The following CELSR2 variants were observed in gnomAD, a reference collection of about 807,000 sequenced individuals.
CELSR2 encodes cadherin EGF LAG seven-pass G-type receptor 2, also known as EGF-like protein 2.
Under a neutral mutation model 251.6 loss-of-function variants are expected in CELSR2, and 81 were observed. The ratio of observed to expected loss-of-function variants is 0.32; its 90% confidence interval spans 0.27 to 0.39. CELSR2 has a LOEUF of 0.39. Ranked by LOEUF, CELSR2 falls within the 10% of genes least tolerant of loss-of-function variation. CELSR2 has a pLI of 1.00. For synonymous variants in CELSR2, 1,721 were observed against 1,670.5 expected (o/e 1.03, Z -0.74); for missense variants, 3,365 against 3,947.7 (o/e 0.85, Z 3.96).
rs114450972 is a variant in CELSR2 at position 109,270,695 on chromosome 1, C to T, written c.7483+95C>T. ...CCCACATACAGGCCCTGAGGCCCCA[C>T]ATCCCCATGCCCCAGGCCGCCTTAT... On this transcript the variant is annotated intron_variant, in intron 24 of 33. Transcript: ENST00000271332. 8.9e-4 allele frequency: 1,302 copies of T among 1,460,078 alleles called. 10 individuals carry two copies. The African/African-American group carries it at 0.016, about 18-fold the overall frequency. 90.4% of individuals were successfully genotyped at this position (1,460,078 alleles called of 1,614,324 possible).
chr1:109,252,696 G>T lies in CELSR2; in HGVS notation c.2617G>T (p.Val873Leu). 6.2e-7 allele frequency: 1 copy of T among 1,614,028 alleles called. No homozygotes were observed. The highest frequency in any genetic ancestry group is 8.5e-7 in the Non-Finnish European group (1 of 1,180,034). Reference protein sequence around the residue: ...DFIVESTSGIVRTLRRLDREN... With the variant: ...DFIVESTSGILRTLRRLDREN... ...TATTGTTGAGTCCACGTCAGGCATC[G>T]TGCGAACGCTACGGAGGCTGGATCG... Residue 873 changes from valine (V) to leucine (L), a missense_variant, in exon 1 of 34, where the codon GTG becomes TTG. Val to Leu is a conservative substitution (Grantham distance 32, BLOSUM62 1). Around this residue, in one of 5 missense-constraint regions of CELSR2, gnomAD observed 505 missense variants for 660.0 expected, o/e 0.77. Transcript: ENST00000271332. This position sits in a 1 kb window ranked among gnomAD's most constrained non-coding sequence, Gnocchi z 4.8.
In CELSR2 at chr1:109,261,264, C is replaced by T. The variant is rs1557731321; in HGVS notation, c.4181C>T (p.Ser1394Leu). The T allele has an allele frequency of 1.2e-6, 2 of 1,612,280 alleles. No individual in the cohort carries two copies. Among genetic ancestry groups the T allele is most frequent in the South Asian group, 1.1e-5 (1 of 90,958 alleles). Residue 1394 changes from serine to leucine, a missense_variant and splice_region_variant, in exon 3 of 34, where the codon TCG (serine) becomes TTG (leucine). Ser to Leu is a moderately radical substitution (Grantham distance 145). This residue lies in a region of CELSR2 where 2,093 missense variants were observed against 2,382.8 expected (regional missense o/e 0.88). Transcript: ENST00000271332. This position sits in a 1 kb window ranked among gnomAD's most constrained non-coding sequence, Gnocchi z 4.8. The part of the protein sequence containing the change: ...RQRFHFTLAL[S>L]FATKERDGLL... ...CGTTTCCACTTCACCCTGGCCCTCT[C>T]GTGAGTGGCTGGGCACTGGGGGTGG... is the stretch of plus-strand genomic sequence containing the variant.
chr1:109,273,874 G>A (rs566848803), intron 33 of CELSR2, 148 bp from the exon 34 acceptor site: 23 of 1,220,070 alleles, frequency 1.9e-5, no homozygotes, highest in Admixed American at 5.2e-5. Flanking sequence ...TCTACGCGGC[G>A]CAGCCCAGCC....
intron 15 of CELSR2, 93 bp from the exon 16 acceptor site, chr1:109,267,455 T>C: frequency 8.7e-7 from 1 of 1,150,948 alleles, no homozygotes; most frequent in East Asian, 2.4e-5. Flanking sequence ...CCCCGGCCCA[T>C]GAGGTGCTGG....
At position 109,252,371 on chromosome 1, in the gene CELSR2, G is replaced by A. The variant is rs780904058; in HGVS notation, c.2292G>A (p.Thr764=). The part of the protein sequence containing the change: ...SIPQFRIDAD[T]GAVTTQAELD... The stretch of plus-strand genomic sequence containing the variant: ...CCCAGTTCCGCATCGATGCAGACAC[G>A]GGGGCTGTCACCACCCAGGCTGAGC... Residue 764 remains threonine, a synonymous_variant, in exon 1 of 34, where the codon ACG becomes ACA. Coordinates refer to ENST00000271332, the MANE Select transcript of CELSR2 (RefSeq NM_001408.3). The surrounding 1 kb of genome is among the most constrained non-coding windows in gnomAD (Gnocchi z 4.8). 2.4e-5 allele frequency: 39 copies of A among 1,612,824 alleles called. No individual in the cohort carries two copies. The South Asian group carries it at 3.2e-4, about 13-fold the overall frequency.
chr1:109,258,306 C>G, intron 1 of CELSR2, 126 bp from the exon 2 acceptor site: 1 of 630,972 alleles, frequency 1.6e-6, no homozygotes, highest in South Asian at 2.2e-5. Flanking sequence ...TTGGCCCACA[C>G]GTGACATACC....
rs757707208 is a variant in CELSR2 at position 109,267,893 on chromosome 1, C to T, written c.6151C>T (p.Arg2051Cys). Residue 2051 changes from arginine to cysteine, a missense_variant, in exon 17 of 34, where the codon CGC becomes TGC. Arg to Cys is a radical substitution (Grantham distance 180). Transcript: ENST00000271332. ...GAATGAGTCAGGCCTAGACTCAGGG[C>T]GCTCCCAGCAGCTAGCCCTGCTCCT... The part of the protein sequence containing the change: ...QRNESGLDSG[R>C]SQQLALLLRN... 2.3e-5 allele frequency: 37 copies of T among 1,609,620 alleles called. No individual in the cohort carries two copies. The highest frequency in any genetic ancestry group is 1.7e-4 in the Middle Eastern group (1 of 6,038).
At chr1:109,272,077 A>C (rs536101469) in intron 28 of CELSR2, among the ~76,000 whole-genome samples, 15 of 152,308 alleles carry the variant, frequency 9.8e-5, no homozygotes, top group African/African-American at 3.4e-4. Context: ...CCCTGGGGGC[A>C]TGCAGGGGTA....
rs41309211 is a variant in CELSR2, at chr1:109,263,245, T to C, written c.4812T>C (p.Phe1604=). ...DAFSCECPLG[F]GGKSCAQEMA... is the part of the protein sequence containing the mutation. ...TCAGCTGCGAGTGCCCCCTGGGCTT[T>C]GGGGGCAAGAGCTGCGCCCAGGGTA... The change falls in exon 8 of 34, where the codon TTT becomes TTC. Residue 1604 remains phenylalanine, a synonymous_variant. Coordinates refer to ENST00000271332, the MANE Select transcript of CELSR2 (RefSeq NM_001408.3). 16,194 of 1,585,088 alleles carry C rather than the reference T, an allele frequency of 0.01. 1,322 individuals are homozygous for C. The African/African-American group carries it at 0.19, about 18-fold the overall frequency.
rs770363823 is a variant in CELSR2, at chr1:109,253,207, G to A, written c.3128G>A (p.Gly1043Glu). 5 of 1,613,572 alleles carry A rather than the reference G, an allele frequency of 3.1e-6. No individual in the cohort carries two copies. The highest frequency in any genetic ancestry group is 2.2e-5 in the South Asian group (2 of 91,090). ...YVTNRSSSFP[G>E]GAIGRVPAHD... ...ACCAATCGCTCAAGCAGCTTCCCTG[G>A]GGGTGCCATTGGCCGAGTACCTGCC... Residue 1043 changes from glycine (G) to glutamate (E), a missense_variant, in exon 1 of 34, where the codon GGG becomes GAG. Gly to Glu is a moderately conservative substitution (Grantham distance 98). Around this residue, in one of 5 missense-constraint regions of CELSR2, gnomAD observed 505 missense variants for 660.0 expected, o/e 0.77. Transcript: ENST00000271332.
In CELSR2 at chr1:109,258,461, G is replaced by A. The variant is rs770283988; in HGVS notation, c.3340G>A (p.Ala1114Thr). ...DGVHSVTAQC[A>T]LRVTIITDEM... is the part of the protein sequence containing the mutation. ...CGTACACAGCGTGACCGCCCAGTGC[G>A]CGCTGCGTGTGACCATCATCACCGA... Residue 1114 changes from alanine (A) to threonine (T), a missense_variant, in exon 2 of 34, where the codon GCG becomes ACG. Coordinates refer to ENST00000271332, the MANE Select transcript of CELSR2 (RefSeq NM_001408.3). 6.2e-7 allele frequency: 1 copy of A among 1,601,256 alleles called. No homozygotes were observed. Among genetic ancestry groups the A allele is most frequent in the South Asian group, 1.1e-5 (1 of 89,016 alleles).
In CELSR2 at chr1:109,250,115, G is replaced by GCCA. The variant is rs2101227064; in HGVS notation, c.38_39insACC (p.Pro16dup). ...CGGCCACCGGCGTCCCCCTCCCAAC[G>GCCA]CCGCCGCCGCCGCTGCTGCTGCTGT... On this transcript the variant is annotated inframe_insertion, in exon 1 of 34. Coordinates refer to ENST00000271332, the MANE Select transcript of CELSR2 (RefSeq NM_001408.3). This position sits in a 1 kb window ranked among gnomAD's most constrained non-coding sequence, Gnocchi z 4.4. 1 of 1,570,886 alleles carries GCCA rather than the reference G, an allele frequency of 6.4e-7. No individual in the cohort carries two copies. The highest frequency in any genetic ancestry group is 8.6e-7 in the Non-Finnish European group (1 of 1,161,428).
At position 109,264,603 on chromosome 1, in the gene CELSR2, C is replaced by A; in HGVS notation, c.5439C>A (p.Asp1813Glu). 4 of 1,613,554 alleles carry A rather than the reference C, an allele frequency of 2.5e-6. No homozygotes were observed. Among genetic ancestry groups the A allele is most frequent in the Non-Finnish European group, 3.4e-6 (4 of 1,179,504 alleles). Residue 1813 changes from aspartate to glutamate, a missense_variant, in exon 11 of 34, where the codon GAC becomes GAA. Coordinates refer to ENST00000271332, the MANE Select transcript of CELSR2 (RefSeq NM_001408.3). The part of the protein sequence containing the change: ...PANSYCSNDW[D>E]SYSCSCDPGY... Reference sequence around the variant, plus strand: ...ACAGCTATTGCAGCAACGACTGGGACAGCTATTCCTGCAGCTGTGATCCAG... The same window carrying A: ...ACAGCTATTGCAGCAACGACTGGGAAAGCTATTCCTGCAGCTGTGATCCAG...
In CELSR2 at chr1:109,251,215, G is replaced by T. The variant is rs1252999394; in HGVS notation, c.1136G>T (p.Arg379Leu). 6.2e-7 allele frequency: 1 copy of T among 1,613,882 alleles called. No homozygotes were observed. The highest frequency in any genetic ancestry group is 8.5e-7 in the Non-Finnish European group (1 of 1,180,002). Residue 379 changes from arginine (R) to leucine (L), a missense_variant, in exon 1 of 34, where the codon CGG becomes CTG. By Grantham distance (102) the Arg-to-Leu change is moderately radical. Transcript: ENST00000271332. This position sits in a 1 kb window ranked among gnomAD's most constrained non-coding sequence, Gnocchi z 4.9. ...GACCAGGGTCGGGACCCGGGTCCTC[G>T]GAGTACCACAGCCGCTGTTTTCCTT... is the stretch of plus-strand genomic sequence containing the variant. ...ASDQGRDPGP[R>L]STTAAVFLSV...
Position 109,263,719 on chromosome 1 carries a change from A to G in CELSR2, c.4943A>G (p.Gln1648Arg). ...WYLSLMFRTR[Q>R]ADGVLLQAIT... ...CTCAGCCTCATGTTCCGCACGCGCC[A>G]GGCCGACGGTGTCCTGCTGCAGGCC... Residue 1648 changes from glutamine to arginine, a missense_variant, in exon 9 of 34, where the codon CAG becomes CGG. Around this residue, in one of 5 missense-constraint regions of CELSR2, gnomAD observed 2,093 missense variants for 2,382.8 expected, o/e 0.88. Transcript: ENST00000271332. 1 of 1,613,890 alleles carries G rather than the reference A, an allele frequency of 6.2e-7. No homozygotes were observed.
intron 2 of CELSR2, among the ~76,000 whole-genome samples, chr1:109,260,336 T>C (rs1655984131): frequency 3.3e-5 from 5 of 152,148 alleles, no homozygotes; most frequent in Non-Finnish European, 7.4e-5. Context: ...TCAGCTCCTC[T>C]GTTGAATTCT....
chr1:109,267,407 T>C, intron 15 of CELSR2, 141 bp from the exon 16 acceptor site: 2 of 688,858 alleles, frequency 2.9e-6, no homozygotes, highest in Non-Finnish European at 4.8e-6. Context: ...CATACCTGTC[T>C]TCCTGTTTCA....
intron 1 of CELSR2, among the ~76,000 whole-genome samples, chr1:109,254,150 C>T (rs1327315216): frequency 6.6e-6 from 1 of 152,232 alleles, no homozygotes; most frequent in East Asian, 1.9e-4. Context: ...CCCCCCTTGC[C>T]ACCTCATGGG....
At chr1:109,254,124 G>A (rs935920320) in intron 1 of CELSR2, among the ~76,000 whole-genome samples, 3 of 152,228 alleles carry the variant, frequency 2.0e-5, no homozygotes, top group African/African-American at 7.2e-5. Flanking sequence ...TGGGGGGCAG[G>A]CTGAGGCCTC....
Sources: gnomAD v4.1 joint callset for allele counts (sites outside exome capture counted in the v4.1 genomes callset) on GRCh38, gnomAD v4.1.1 for gene constraint, gnomAD v4.1.1 regional missense constraint, Gnocchi (gnomAD v3.1) non-coding constraint, MANE v1.5 for transcripts, NCBI Gene and HGNC (gene_info 2026-07-23, HGNC 2026-07-21) for gene names.